Variants in ERI1 observed in about 807,000 individuals in gnomAD.
ERI1 encodes exoribonuclease 1, also known as 3'-5' exoribonuclease 1.
ERI1 carries 39 observed loss-of-function variants against 39.7 expected under a neutral mutation model. That is an observed-to-expected ratio of 0.98 (90% CI 0.76 to 1.28). The LOEUF (loss-of-function observed/expected upper bound fraction) is 1.28, where lower values mean the gene tolerates loss of function less well. Among genes scored for constraint, ERI1 ranks in the 50% most tolerant of loss-of-function variants. The pLI, the probability that ERI1 is intolerant of heterozygous loss-of-function variation, is 0.00. For missense variants in ERI1, 581 were observed against 416.9 expected, an observed-to-expected ratio of 1.39 and a Z score of -3.43; for synonymous variants, 204 against 149.6, an observed-to-expected ratio of 1.36 and a Z score of -2.65.
intron 3 of ERI1, among the ~76,000 whole-genome samples, chr8:9,042,406 T>G (rs1363172514): frequency 1.3e-5 from 2 of 152,212 alleles, no homozygotes; most frequent in Non-Finnish European, 2.9e-5. Context: ...TTTTAAATTT[T>G]ATACATTAAG....
At chr8:9,050,551 C>T (rs940721028) in intron 3 of ERI1, among the ~76,000 whole-genome samples, 1 of 151,656 alleles carries the variant, frequency 6.6e-6, no homozygotes, top group Non-Finnish European at 1.5e-5. Context: ...GAAGCTAGAA[C>T]AGAAAAAGAG....
chr8:9,045,990 T>A (rs112513512), intron 3 of ERI1, among the ~76,000 whole-genome samples: 1,875 of 152,254 alleles, frequency 0.012, 38 homozygotes, highest in South Asian at 0.094. Context: ...TATCTATAGA[T>A]GAATTTTTAA....
chr8:9,051,761 G>T (rs1283923526), intron 3 of ERI1, among the ~76,000 whole-genome samples: 1 of 151,954 alleles, frequency 6.6e-6, no homozygotes, highest in African/African-American at 2.4e-5. Context: ...ATCTTTGTAA[G>T]TGTCCTATGT....
chr8:9,033,359 C>T (rs918426431), downstream of ERI1: 17 of 152,302 alleles, frequency 1.1e-4, no homozygotes, highest in African/African-American at 4.1e-4. Flanking sequence ...CATTTGTTTT[C>T]ATGTCATCTC....
chr8:9,025,638 T>C (rs1483160793), intron 6 of ERI1, among the ~76,000 whole-genome samples: 1 of 152,182 alleles, frequency 6.6e-6, no homozygotes, highest in Non-Finnish European at 1.5e-5. Context: ...TGGGCCTTTG[T>C]TTAATAAAGT....
rs767555461 is a variant in ERI1, at chr8:9,018,346, T to C, written c.632T>C (p.Ile211Thr). Residue 211 changes from isoleucine (I) to threonine (T), a missense_variant, in exon 5 of 7, where the codon ATT (isoleucine) becomes ACT (threonine). Transcript: ENST00000250263. ...DTFPQVLKKV[I>T]DWMKLKELGT... ...TTCCCTCAGGTACTAAAAAAAGTAA[T>C]TGACTGGATGAAATTGAAGGAATTA... The C allele has an allele frequency of 1.2e-6, 2 of 1,612,608 alleles. No individual in the cohort carries two copies. Among genetic ancestry groups the C allele is most frequent in the Non-Finnish European group, 1.7e-6 (2 of 1,178,952 alleles).
rs548465260 is a variant in ERI1 at position 9,003,728 on chromosome 8, A to G, written c.108+557A>G. On this transcript the variant is annotated intron_variant, in intron 1 of 6. Transcript: ENST00000250263. The stretch of plus-strand genomic sequence containing the variant: ...GACATCTCATCGGTTGAACTTAGTT[A>G]CAGTGGCAAAGTTGTAGAACAGTCT... Among the ~76,000 whole-genome samples, 12 of 152,372 alleles carry G rather than the reference A, an allele frequency of 7.9e-5. No homozygotes were observed. The South Asian group carries it at 2.5e-3, about 32-fold the overall frequency.
chr8:9,006,934 C>T (rs1816081763), intron 1 of ERI1, among the ~76,000 whole-genome samples: 1 of 152,196 alleles, frequency 6.6e-6, no homozygotes, highest in Non-Finnish European at 1.5e-5. Context: ...TGTGATTATC[C>T]TTCCTTGATC....
At chr8:9,011,340 G>A (rs751350287) in intron 2 of ERI1, among the ~76,000 whole-genome samples, 4 of 152,162 alleles carry the variant, frequency 2.6e-5, no homozygotes, top group African/African-American at 7.2e-5. Context: ...GAAGGAAAAT[G>A]TTAATGTTGT....
At chr8:9,016,742 G>A (rs944620518) in intron 4 of ERI1, among the ~76,000 whole-genome samples, 3 of 152,164 alleles carry the variant, frequency 2.0e-5, no homozygotes, top group African/African-American at 7.2e-5. Context: ...CTTGAGTACA[G>A]TGGCGTGACC....
At chr8:9,076,563 T>G (rs1250391819) in intron 3 of ERI1, among the ~76,000 whole-genome samples, 2 of 152,104 alleles carry the variant, frequency 1.3e-5, no homozygotes, top group East Asian at 3.9e-4. Context: ...AAGAGGTGGG[T>G]GGGGGATTAA....
At chr8:9,054,372 T>C (rs1563360388) in intron 3 of ERI1, among the ~76,000 whole-genome samples, 1 of 152,240 alleles carries the variant, frequency 6.6e-6, no homozygotes, top group Admixed American at 6.5e-5. Flanking sequence ...CTTCTCTTTT[T>C]TATACTTCTT....
At chr8:9,027,225 G>C (rs1336050029) in intron 6 of ERI1, among the ~76,000 whole-genome samples, 1 of 151,028 alleles carries the variant, frequency 6.6e-6, no homozygotes. Context: ...TTGTGGTTTT[G>C]ATTTGTATTT....
chr8:9,081,557 C>T (rs1002413041), intron 3 of ERI1, among the ~76,000 whole-genome samples: 1 of 152,168 alleles, frequency 6.6e-6, no homozygotes, highest in African/African-American at 2.4e-5. Context: ...CCTGGGATCC[C>T]TCTTCCCCTC....
At chr8:9,010,033 A>G (rs1339022137) in intron 2 of ERI1, among the ~76,000 whole-genome samples, 1 of 152,260 alleles carries the variant, frequency 6.6e-6, no homozygotes, top group Non-Finnish European at 1.5e-5. Flanking sequence ...CAAGTAAAGT[A>G]AAGAATGAAT....
At chr8:9,015,934 T>C (rs1817224416) in intron 3 of ERI1, among the ~76,000 whole-genome samples, 1 of 152,172 alleles carries the variant, frequency 6.6e-6, no homozygotes, top group African/African-American at 2.4e-5. Context: ...TAATTTATTA[T>C]AACTGCAGGC....
intron 1 of ERI1, among the ~76,000 whole-genome samples, chr8:9,003,605 C>T (rs1369712792): frequency 2.0e-5 from 3 of 152,190 alleles, no homozygotes; most frequent in Non-Finnish European, 4.4e-5. Context: ...ACCAGCATCC[C>T]TGTCTCTGTA....
At chr8:9,058,867 A>AAATG (rs1563363254) in intron 3 of ERI1, among the ~76,000 whole-genome samples, 1 of 146,874 alleles carries the variant, frequency 6.8e-6, no homozygotes, top group East Asian at 1.9e-4. Flanking sequence ...ATAAATAAAT[A>AAATG]AATCTTTTAT....
At chr8:9,072,792 A>G (rs1799095638) in intron 3 of ERI1, among the ~76,000 whole-genome samples, 1 of 152,144 alleles carries the variant, frequency 6.6e-6, no homozygotes, top group African/African-American at 2.4e-5. Context: ...TCCCGACAGA[A>G]GCAGCCCCAG....
Sources: gnomAD v4.1 joint callset for allele counts (sites outside exome capture counted in the v4.1 genomes callset) on GRCh38, gnomAD v4.1.1 for gene constraint, MANE v1.5 for transcripts, NCBI Gene and HGNC (gene_info 2026-07-23, HGNC 2026-07-21) for gene names.